Variants in FER observed in about 807,000 individuals in gnomAD.
The protein encoded by FER is FER tyrosine kinase.
FER carries 63 observed loss-of-function variants against 111.0 expected under a neutral mutation model. The observed-to-expected ratio is 0.57, with a 90% CI of 0.46 to 0.70. The LOEUF is 0.70. FER is among the 30% of genes least tolerant of loss of function. The pLI, the probability that FER is intolerant of heterozygous loss-of-function variation, is 0.00. For missense variants in FER, 914 were observed against 954.0 expected, an observed-to-expected ratio of 0.96 and a Z score of 0.55; for synonymous variants, 327 against 313.9, an observed-to-expected ratio of 1.04 and a Z score of -0.44.
chr5:108,937,746 G>A (rs986492204), intron 10 of FER, among the ~76,000 whole-genome samples: 2 of 151,812 alleles, frequency 1.3e-5, no homozygotes, highest in African/African-American at 4.8e-5. Flanking sequence ...AAATGTGTCT[G>A]TTAGATTGGT....
intron 17 of FER, among the ~76,000 whole-genome samples, chr5:109,111,867 G>A (rs955798547): frequency 3.3e-5 from 5 of 152,116 alleles, no homozygotes; most frequent in Non-Finnish European, 7.4e-5. Context: ...AATTCAACAT[G>A]AGATTAGGGT....
At chr5:108,791,892 T>A (rs1381548298) in intron 2 of FER, among the ~76,000 whole-genome samples, 1 of 152,228 alleles carries the variant, frequency 6.6e-6, no homozygotes, top group Non-Finnish European at 1.5e-5. Flanking sequence ...CTTCATTGTT[T>A]TGCATGTGGA....
intron 17 of FER, among the ~76,000 whole-genome samples, chr5:109,180,152 A>G (rs1048712971): frequency 5.9e-5 from 9 of 152,232 alleles, no homozygotes; most frequent in African/African-American, 2.2e-4. Context: ...GAGACTGGAC[A>G]AGATGAGGTG....
intron 13 of FER, among the ~76,000 whole-genome samples, chr5:109,032,582 A>G (rs1427471582): frequency 6.6e-6 from 1 of 152,204 alleles, no homozygotes; most frequent in African/African-American, 2.4e-5. Context: ...AACTAGATTC[A>G]GTAGCATCAG....
At chr5:108,872,574 C>G (rs997940738) in intron 8 of FER, among the ~76,000 whole-genome samples, 2 of 152,042 alleles carry the variant, frequency 1.3e-5, no homozygotes, top group African/African-American at 4.8e-5. Context: ...AGATAAGAGA[C>G]TTATTGATGT....
chr5:108,892,770 A>G (rs555138186), intron 9 of FER, among the ~76,000 whole-genome samples: 1 of 152,248 alleles, frequency 6.6e-6, no homozygotes, highest in Admixed American at 6.5e-5. Context: ...GGTAATGCCT[A>G]GGTTTTCTTC....
chr5:109,021,098 A>G (rs1283582102), intron 13 of FER, among the ~76,000 whole-genome samples: 2 of 152,044 alleles, frequency 1.3e-5, no homozygotes, highest in Non-Finnish European at 2.9e-5. Flanking sequence ...TTTATCAGAA[A>G]TGCCAAAATA....
intron 17 of FER, among the ~76,000 whole-genome samples, chr5:109,124,722 T>C (rs138497898): frequency 0.012 from 1,814 of 151,788 alleles, 18 homozygotes; most frequent in Non-Finnish European, 0.02. Flanking sequence ...AGGAAGAAAA[T>C]ACAAGATTAG....
chr5:109,172,320 T>C (rs1171317427), intron 17 of FER, among the ~76,000 whole-genome samples: 2 of 151,916 alleles, frequency 1.3e-5, no homozygotes, highest in African/African-American at 4.8e-5. Context: ...ATCGATGAGT[T>C]CATGTCCTTT....
At chr5:108,961,139 A>G (rs72789313) in intron 13 of FER, among the ~76,000 whole-genome samples, 17,614 of 152,232 alleles carry the variant, frequency 0.12, 1,104 homozygotes, top group Middle Eastern at 0.16. Context: ...ATGAACATCA[A>G]TTCCAGTATA....
chr5:108,902,206 A>T (rs954875667), intron 10 of FER, among the ~76,000 whole-genome samples: 44 of 152,316 alleles, frequency 2.9e-4, no homozygotes, highest in African/African-American at 1.1e-3. Context: ...ATAAGAATAC[A>T]CATCTTTAGA....
intron 2 of FER, among the ~76,000 whole-genome samples, chr5:108,772,752 C>G (rs1257670874): frequency 6.6e-6 from 1 of 152,150 alleles, no homozygotes; most frequent in Non-Finnish European, 1.5e-5. Context: ...TGGCACTAGT[C>G]AGCAATTGAA....
intron 9 of FER, among the ~76,000 whole-genome samples, chr5:108,884,554 TC>T (rs1746793051): frequency 6.6e-6 from 1 of 151,616 alleles, no homozygotes; most frequent in African/African-American, 2.4e-5. Flanking sequence ...TTTTCTCGTC[TC>T]TACTTTCTCA....
intron 5 of FER, among the ~76,000 whole-genome samples, chr5:108,843,176 G>A (rs145802351): frequency 0.014 from 2,113 of 152,222 alleles, 44 homozygotes; most frequent in African/African-American, 0.048. Context: ...CAGGTTTTCC[G>A]TTCCTGGATT....
At chr5:108,817,078 TGG>T (rs1436170025) in intron 3 of FER, among the ~76,000 whole-genome samples, 2 of 112,444 alleles carry the variant, frequency 1.8e-5, no homozygotes, top group East Asian at 6.2e-4. Context: ...CACTCCATCC[TGG>T]GCAACAGAGC....
At chr5:108,984,778 G>A (rs977300302) in intron 13 of FER, among the ~76,000 whole-genome samples, 1 of 151,964 alleles carries the variant, frequency 6.6e-6, no homozygotes, top group Non-Finnish European at 1.5e-5. Flanking sequence ...CTCAATCCGT[G>A]GTGGTGAGAT....
intron 16 of FER, among the ~76,000 whole-genome samples, chr5:109,076,520 C>A (rs1475691952): frequency 1.3e-5 from 2 of 152,128 alleles, no homozygotes; most frequent in Non-Finnish European, 2.9e-5. Flanking sequence ...ACCTCTCCCT[C>A]CCTGGCTCAA....
intron 17 of FER, among the ~76,000 whole-genome samples, chr5:109,141,009 A>C (rs1422617990): frequency 6.6e-6 from 1 of 152,070 alleles, no homozygotes; most frequent in Non-Finnish European, 1.5e-5. Context: ...ATGTTCAGAG[A>C]CTTAGAAAAC....
At chr5:109,090,957 A>G (rs948789158) in intron 16 of FER, among the ~76,000 whole-genome samples, 5 of 152,216 alleles carry the variant, frequency 3.3e-5, no homozygotes, top group Admixed American at 3.3e-4. Flanking sequence ...GAATGCTTCT[A>G]GGAAAATGTG....
Sources: allele counts gnomAD v4.1 joint callset (sites outside exome capture counted in the v4.1 genomes callset), GRCh38; gene constraint gnomAD v4.1.1; transcripts MANE v1.5; gene names NCBI Gene and HGNC (gene_info 2026-07-23, HGNC 2026-07-21).